RGS13: variants seen among roughly 807,000 people sequenced by gnomAD.
The protein encoded by RGS13 is regulator of G protein signaling 13, also known as regulator of G-protein signalling 13.
Under a neutral mutation model 19.9 loss-of-function variants are expected in RGS13, and 14 were observed. The ratio of observed to expected loss-of-function variants is 0.70; its 90% CI spans 0.46 to 1.10. The LOEUF (loss-of-function observed/expected upper bound fraction) is 1.10. Among genes scored for constraint, RGS13 ranks in the 50% least tolerant of loss-of-function variants. RGS13 has a pLI of 0.00. For synonymous variants in RGS13, 60 were observed against 56.8 expected (o/e 1.06, Z -0.25); for missense variants, 205 against 187.1 (o/e 1.10, Z -0.56).
intron 3 of RGS13, among the ~76,000 whole-genome samples, chr1:192,641,254 A>AAAGAAAAGAAAGAAAG (rs1553257010): frequency 7.4e-5 from 5 of 67,390 alleles, no homozygotes; most frequent in African/African-American, 2.0e-4. Context: ...GAAAAGAAAG[A>AAAGAAAAGAAAGAAAG]AAAGAAAGAA....
intron 4 of RGS13, chr1:192,644,631 T>C (rs574982482): frequency 1.2e-5 from 5 of 430,440 alleles, no homozygotes; most frequent in South Asian, 9.3e-5. Flanking sequence ...GAATCTATTA[T>C]GAATAGTCTC....
At chr1:192,641,290 G>GAAAGAAAGAAAGAAAGAAAGAAAGA in intron 3 of RGS13, among the ~76,000 whole-genome samples, 1 of 110,444 alleles carries the variant, frequency 9.1e-6, no homozygotes, top group Admixed American at 1.0e-4. Flanking sequence ...AAGAAAGAAA[G>GAAAGAAAGAAAGAAAGAAAGAAAGA]AAAGAAAGAA....
At chr1:192,639,296 G>A (rs372799575) in intron 3 of RGS13, among the ~76,000 whole-genome samples, 8 of 152,040 alleles carry the variant, frequency 5.3e-5, no homozygotes, top group African/African-American at 1.9e-4. Flanking sequence ...TGGCTGGGCT[G>A]TCCTCTTGTC....
intron 5 of RGS13, among the ~76,000 whole-genome samples, chr1:192,653,230 C>T (rs962562274): frequency 2.6e-5 from 4 of 151,840 alleles, no homozygotes; most frequent in African/African-American, 9.7e-5. Flanking sequence ...TTGGAATTCA[C>T]GGGAAAAAAA....
intron 3 of RGS13, among the ~76,000 whole-genome samples, chr1:192,643,803 T>C (rs1663167503): frequency 6.6e-6 from 1 of 151,948 alleles, no homozygotes; most frequent in South Asian, 2.1e-4. Flanking sequence ...TACACAAAAA[T>C]TAGCCAGTCA....
In RGS13 at chr1:192,641,207, A is replaced by G. The variant is rs1303718226; in HGVS notation, c.-5+3004A>G. Among the ~76,000 whole-genome samples the G allele has an allele frequency of 8.2e-3, 757 of 92,680 alleles. 14 individuals carry two copies. Among genetic ancestry groups the G allele is most frequent in the African/African-American group, 0.029 (691 of 23,588 alleles). The allele number at this position is 92,680 out of a possible 152,430, so 60.8% of individuals were successfully genotyped here. A position where few individuals can be genotyped will look rare whatever the true frequency, so the allele number is the denominator to read the frequency against. The stretch of plus-strand genomic sequence containing the variant: ...AGAAAGAAAAAAAAGAAAAAAGGAA[A>G]GAAAGAAAGAAAGAGAGAAAGAAAG... On this transcript the variant is annotated intron_variant, in intron 3 of 6. Coordinates refer to ENST00000391995, the MANE Select transcript of RGS13 (RefSeq NM_002927.5).
intron 3 of RGS13, among the ~76,000 whole-genome samples, chr1:192,642,410 C>G (rs1023311712): frequency 1.3e-5 from 2 of 151,726 alleles, no homozygotes; most frequent in African/African-American, 4.8e-5. Flanking sequence ...CAGCCTCAAC[C>G]CCCTGGGCTC....
intron 1 of RGS13, among the ~76,000 whole-genome samples, chr1:192,637,107 T>C (rs1663029798): frequency 6.6e-6 from 1 of 151,948 alleles, no homozygotes; most frequent in Admixed American, 6.6e-5. Context: ...CCATTACCAA[T>C]GCATTTATAA....
At position 192,658,228 on chromosome 1, in the gene RGS13, T is replaced by C. The variant is rs1663479951; in HGVS notation, c.155T>C (p.Leu52Ser). 1 of 1,613,264 alleles carries C rather than the reference T, an allele frequency of 6.2e-7. No individual in the cohort carries two copies. The highest frequency in any genetic ancestry group is 1.3e-5 in the African/African-American group (1 of 74,996). ...GGTCCAGTAGTCTATGCAGCATATTTAAAAATGGAGCACAGTGACGAGAAT... is the reference window on the plus strand; with the variant it reads ...GGTCCAGTAGTCTATGCAGCATATTCAAAAATGGAGCACAGTGACGAGAAT... ...KYGPVVYAAY[L>S]KMEHSDENIQ... Residue 52 changes from leucine (L) to serine (S), a missense_variant, in exon 6 of 7, where the codon TTA (leucine) becomes TCA (serine). By Grantham distance (145) the Leu-to-Ser change is moderately radical. Transcript: ENST00000391995.
At chr1:192,641,236 G>GAAAGA (rs1553257000) in intron 3 of RGS13, among the ~76,000 whole-genome samples, 4,433 of 93,852 alleles carry the variant, frequency 0.047, 306 homozygotes, top group African/African-American at 0.19. Context: ...AAGAAAGAAA[G>GAAAGA]AAAGAAAGAA....
intron 5 of RGS13, among the ~76,000 whole-genome samples, chr1:192,656,056 T>G (rs1283127716): frequency 1.3e-5 from 2 of 152,134 alleles, no homozygotes; most frequent in Non-Finnish European, 2.9e-5. Context: ...ACAGATACAG[T>G]TGGTTCTAAA....
chr1:192,658,513 G>A, intron 6 of RGS13, 146 bp downstream of exon 6: 1 of 673,562 alleles, frequency 1.5e-6, no homozygotes, highest in Non-Finnish European at 2.4e-6. Flanking sequence ...TTATTTTACA[G>A]ATAAGAAACC....
chr1:192,653,524 A>T (rs1342451925), intron 5 of RGS13, among the ~76,000 whole-genome samples: 1 of 152,122 alleles, frequency 6.6e-6, no homozygotes, highest in Non-Finnish European at 1.5e-5. Flanking sequence ...AAGCCAAAAT[A>T]TTCAATGTAG....
Position 192,659,436 on chromosome 1 carries a change from T to A in RGS13, c.393T>A (p.His131Gln). The change falls in exon 7 of 7, where the codon CAT (histidine) becomes CAA (glutamine). Residue 131 changes from histidine (H) to glutamine (Q), a missense_variant. Physicochemically the swap from His to Gln is conservative, Grantham distance 24 (BLOSUM62 0). Coordinates refer to ENST00000391995, the MANE Select transcript of RGS13 (RefSeq NM_002927.5). The stretch of plus-strand genomic sequence containing the variant: ...AAGCTCAGAAAATAGTCTATATGCA[T>A]ATGGAAAGGGATTCCTACCCCAGAT... ...FEEAQKIVYM[H>Q]MERDSYPRFL... 1.9e-6 allele frequency: 3 copies of A among 1,612,914 alleles called. No individual in the cohort carries two copies. The highest frequency in any genetic ancestry group is 1.7e-6 in the Non-Finnish European group (2 of 1,179,244).
In RGS13 at chr1:192,660,148, A is replaced by G. The variant is rs566146259; in HGVS notation, c.*625A>G. The G allele has an allele frequency of 5.9e-5, 9 of 152,250 alleles. No individual in the cohort carries two copies. In the East Asian group the frequency reaches 1.7e-3, roughly 29 times the overall value. The allele number at this position is 152,250 out of a possible 1,614,324, so 9.4% of individuals were successfully genotyped here. ...TATGAATTTCTTCATTTGCTCTTGC[A>G]TCTACATTGCTATAAGGATATAAAA... On this transcript the variant is annotated 3_prime_UTR_variant, in exon 7 of 7. Coordinates refer to ENST00000391995, the MANE Select transcript of RGS13 (RefSeq NM_002927.5).
intron 5 of RGS13, among the ~76,000 whole-genome samples, chr1:192,649,264 G>A (rs6659935): frequency 0.18 from 27,098 of 152,098 alleles, 6,048 homozygotes; most frequent in African/African-American, 0.53. Flanking sequence ...TTCTGGGTCA[G>A]TGTTAGAACA....
At chr1:192,644,481 T>G in intron 4 of RGS13, 82 bp downstream of exon 4, 11 of 1,017,200 alleles carry the variant, frequency 1.1e-5, no homozygotes, top group Non-Finnish European at 1.7e-5. Context: ...TAAACTGCTA[T>G]TGTAACATAT....
At chr1:192,657,475 A>G (rs984436324) in intron 5 of RGS13, among the ~76,000 whole-genome samples, 18 of 152,126 alleles carry the variant, frequency 1.2e-4, no homozygotes, top group African/African-American at 4.3e-4. Flanking sequence ...TAAGCACTCC[A>G]GAAAGGCAGT....
At chr1:192,659,171 C>A in intron 6 of RGS13, 167 bp from the exon 7 acceptor site, 1 of 467,190 alleles carries the variant, frequency 2.1e-6, no homozygotes, top group Non-Finnish European at 3.7e-6. Context: ...TTTAAAAGAG[C>A]AAAATGTTTA....
Sources: gnomAD v4.1 joint callset for allele counts (sites outside exome capture counted in the v4.1 genomes callset) on GRCh38, gnomAD v4.1.1 for gene constraint, MANE v1.5 for transcripts, NCBI Gene and HGNC (gene_info 2026-07-23, HGNC 2026-07-21) for gene names.